The following MYO1H variants were observed in gnomAD, a reference collection of about 807,000 sequenced individuals.
The protein encoded by MYO1H is myosin IH, also known as unconventional myosin-Ih.
A neutral mutation model predicts 149.3 loss-of-function variants in MYO1H; 118 were observed. The ratio of observed to expected loss-of-function variants is 0.79; its 90% CI spans 0.68 to 0.92. MYO1H has a LOEUF of 0.92. Among genes scored for constraint, MYO1H ranks in the 40% least tolerant of loss-of-function variants. The probability of loss-of-function intolerance (pLI) is 0.00; values close to 1 mark genes in which losing one functional copy is unlikely to be tolerated. For synonymous variants in MYO1H, 447 were observed against 465.2 expected (o/e 0.96, Z 0.50); for missense variants, 1,212 against 1,280.7 (o/e 0.95, Z 0.82).
chr12:109,441,765 G>C, intron 26 of MYO1H, 57 bp downstream of exon 26: 2 of 1,217,058 alleles, frequency 1.6e-6, no homozygotes, highest in Non-Finnish European at 2.3e-6. Flanking sequence ...GGAGTTAAAG[G>C]GTGGGGTGCG....
In MYO1H at chr12:109,445,477, A is replaced by G. The variant is rs896089481; in HGVS notation, c.2994-36A>G. On this transcript the variant is annotated intron_variant, in intron 30 of 31. Coordinates refer to ENST00000310903, the Ensembl canonical transcript of MYO1H. ...ACCAAAGGTTGAGAGAAGAAAATAC[A>G]GTATGTCAGTAATGTGTCACTTTGT... The G allele has an allele frequency of 2.7e-6, 4 of 1,467,570 alleles. No individual in the cohort carries two copies. In the African/African-American group the frequency reaches 4.2e-5, roughly 16 times the overall value. The allele number at this position is 1,467,570 out of a possible 1,614,324, so 90.9% of individuals were successfully genotyped here.
intron 28 of MYO1H, 86 bp downstream of exon 28, chr12:109,443,735 A>G: frequency 6.6e-7 from 1 of 1,513,626 alleles, no homozygotes. Flanking sequence ...AATGGGAAAC[A>G]CAAGTGTAGG....
intron 16 of MYO1H, 149 bp from the exon 17 acceptor site, chr12:109,424,599 T>C: frequency 1.7e-6 from 1 of 594,322 alleles, no homozygotes; most frequent in Non-Finnish European, 3.0e-6. Flanking sequence ...TTTAACTGTG[T>C]TGTTCCCCTT....
intron 15 of MYO1H, among the ~76,000 whole-genome samples, chr12:109,419,210 A>T (rs868651167): frequency 6.6e-6 from 1 of 151,916 alleles, no homozygotes; most frequent in Non-Finnish European, 1.5e-5. Context: ...ACACACACAC[A>T]CACACACTCA....
rs531448099 is a variant in MYO1H at position 109,405,862 on chromosome 12, G to A, written c.850-60G>A. The A allele has an allele frequency of 2.3e-5, 28 of 1,202,754 alleles. 2 individuals are homozygous for A. The highest frequency in any genetic ancestry group is 2.1e-4 in the South Asian group (17 of 80,888). The allele number at this position is 1,202,754 out of a possible 1,614,324, so 74.5% of individuals were successfully genotyped here. On this transcript the variant is annotated intron_variant, in intron 7 of 31. Transcript: ENST00000310903. ...CACTAATGACATGTATCAATTAGGCGGCCACCGTTCTCTTTCCCTGTCCTG... is the reference window on the plus strand; with the variant it reads ...CACTAATGACATGTATCAATTAGGCAGCCACCGTTCTCTTTCCCTGTCCTG...
At chr12:109,404,469 G>C (rs750683289) in intron 7 of MYO1H, among the ~76,000 whole-genome samples, 19 of 152,098 alleles carry the variant, frequency 1.2e-4, no homozygotes, top group Non-Finnish European at 2.6e-4. Flanking sequence ...GTGACAGAGC[G>C]AGACTGCGTC....
intron 21 of MYO1H, among the ~76,000 whole-genome samples, chr12:109,436,105 C>T (rs1474781795): frequency 6.6e-6 from 1 of 152,140 alleles, no homozygotes; most frequent in East Asian, 1.9e-4. Context: ...CTGTGTTGCC[C>T]GGCAAGCGTC....
chr12:109,355,735 C>CT (rs375179115), intron 1 of MYO1H, among the ~76,000 whole-genome samples: 7,014 of 143,936 alleles, frequency 0.049, 183 homozygotes, highest in Middle Eastern at 0.067. Flanking sequence ...TTTTCTTTTT[C>CT]TTTTTTTTTT....
chr12:109,326,738 T>C, the MYO1H span, among the ~76,000 whole-genome samples: 1 of 151,974 alleles, frequency 6.6e-6, no homozygotes, highest in South Asian at 2.1e-4. Flanking sequence ...CAGGCTGGTC[T>C]CAAATCCCTG....
upstream of MYO1H, chr12:109,347,777 G>C: frequency 2.6e-6 from 1 of 391,078 alleles, no homozygotes; most frequent in Non-Finnish European, 4.5e-6. Context: ...ACATGTAGAC[G>C]GCCATAAGAT....
At chr12:109,393,829 G>C (rs1255141799) in intron 3 of MYO1H, among the ~76,000 whole-genome samples, 1 of 152,174 alleles carries the variant, frequency 6.6e-6, no homozygotes, top group Non-Finnish European at 1.5e-5. Flanking sequence ...TGGAATCTCA[G>C]CTTAAATATG....
chr12:109,355,249 T>G (rs1248196611), intron 1 of MYO1H, among the ~76,000 whole-genome samples: 2 of 152,184 alleles, frequency 1.3e-5, no homozygotes, highest in Non-Finnish European at 2.9e-5. Flanking sequence ...TCACACGACT[T>G]CAGGGGAATA....
chr12:109,351,444 T>C (rs938665154), intron 1 of MYO1H, among the ~76,000 whole-genome samples: 1 of 152,254 alleles, frequency 6.6e-6, no homozygotes, highest in Admixed American at 6.5e-5. Context: ...GACAATATTT[T>C]AAGGTAACTT....
At position 109,438,494 on chromosome 12, in the gene MYO1H, C is replaced by T. The variant is rs186233680; in HGVS notation, c.2210-42C>T. ...TGGAAAAGCCTTCTGTATTTCCATA[C>T]GATTGTGCTCACCTTCTAATGCCAG... On this transcript the variant is annotated intron_variant, in intron 22 of 31. Transcript: ENST00000310903. 6.8e-4 allele frequency: 1,025 copies of T among 1,497,938 alleles called. 5 individuals are homozygous for T. Among genetic ancestry groups the T allele is most frequent in the Non-Finnish European group, 1.4e-4 (153 of 1,081,770 alleles). The allele number at this position is 1,497,938 out of a possible 1,614,324, so 92.8% of individuals were successfully genotyped here.
chr12:109,396,388 G>A (rs1055574746), exon 4 of MYO1H: 2 of 1,605,524 alleles, frequency 1.2e-6, no homozygotes, highest in African/African-American at 1.3e-5. Context: ...CTCCAGCTAC[G>A]CTATAGCCGA....
the MYO1H span, among the ~76,000 whole-genome samples, chr12:109,321,881 C>A: frequency 6.6e-6 from 1 of 152,108 alleles, no homozygotes; most frequent in Non-Finnish European, 1.5e-5. Flanking sequence ...AAGAGTTTTG[C>A]AGAACACGAT....
In MYO1H at chr12:109,437,219, C is replaced by T. The variant is rs902699998; in HGVS notation, c.2209+663C>T. 3.9e-5 allele frequency among the ~76,000 whole-genome samples: 6 copies of T among 152,186 alleles called. No individual in the cohort carries two copies. In the East Asian group the frequency reaches 7.7e-4, roughly 20 times the overall value. ...TTCTCAAACAACACTCCCACCCACA[C>T]GCATACATTTCTTGAGAGTAACCAC... On this transcript the variant is annotated intron_variant, in intron 22 of 31. Coordinates refer to ENST00000310903, the Ensembl canonical transcript of MYO1H.
upstream of MYO1H, among the ~76,000 whole-genome samples, chr12:109,345,128 T>C (rs534253856): frequency 6.6e-6 from 1 of 152,292 alleles, no homozygotes; most frequent in South Asian, 2.1e-4. Context: ...TTTAAGTCTT[T>C]TGTGTTTCAA....
the MYO1H span, among the ~76,000 whole-genome samples, chr12:109,314,882 T>G: frequency 0.038 from 5,843 of 152,196 alleles, 311 homozygotes; most frequent in East Asian, 0.15. Flanking sequence ...AGCAGATCAC[T>G]TGAGCCCAGG....
Sources: gnomAD v4.1 joint callset for allele counts (sites outside exome capture counted in the v4.1 genomes callset) on GRCh38, gnomAD v4.1.1 for gene constraint, MANE v1.5 for transcripts, NCBI Gene and HGNC (gene_info 2026-07-23, HGNC 2026-07-21) for gene names.